The following GNA13 variants were observed in gnomAD, a reference collection of about 807,000 sequenced individuals.
GNA13 encodes the protein guanine nucleotide-binding protein subunit alpha-13.
Under a neutral mutation model 33.5 loss-of-function variants are expected in GNA13, and 4 were observed. That is an observed-to-expected ratio of 0.12 (90% CI 0.06 to 0.27). The LOEUF (loss-of-function observed/expected upper bound fraction) is 0.27. Among genes scored for constraint, GNA13 ranks in the 10% least tolerant of loss-of-function variants. GNA13 has a pLI of 1.00. For missense variants in GNA13, 319 were observed against 487.2 expected (o/e 0.65, Z 3.25); for synonymous variants, 176 against 183.8 (o/e 0.96, Z 0.34).
At chr17:65,031,382 C>T in intron 2 of GNA13, among the ~76,000 whole-genome samples, 1 of 152,248 alleles carries the variant, frequency 6.6e-6, no homozygotes, top group East Asian at 1.9e-4. Flanking sequence ...AAACATCTTC[C>T]TGGCACACGA....
At chr17:65,041,247 A>G (rs1413243140) in intron 2 of GNA13, among the ~76,000 whole-genome samples, 4 of 152,196 alleles carry the variant, frequency 2.6e-5, no homozygotes, top group South Asian at 2.1e-4. Context: ...GAAATGGCCT[A>G]TTTACAAGCT....
At chr17:65,039,212 T>C (rs958096869) in intron 2 of GNA13, among the ~76,000 whole-genome samples, 3 of 152,224 alleles carry the variant, frequency 2.0e-5, no homozygotes, top group African/African-American at 7.2e-5. Context: ...CTACAAAGTA[T>C]ATCCTGAATC....
At chr17:65,020,791 C>T (rs1325996764) in intron 2 of GNA13, among the ~76,000 whole-genome samples, 1 of 152,010 alleles carries the variant, frequency 6.6e-6, no homozygotes, top group African/African-American at 2.4e-5. Context: ...GCTGGGATTA[C>T]AGGTGTGTGC....
chr17:65,034,548 T>C (rs973575937), intron 2 of GNA13, among the ~76,000 whole-genome samples: 7 of 152,120 alleles, frequency 4.6e-5, no homozygotes, highest in African/African-American at 1.7e-4. Context: ...TCCACCTGCC[T>C]CGGCCTCCCA....
At chr17:65,032,183 A>C (rs1328523042) in intron 2 of GNA13, among the ~76,000 whole-genome samples, 1 of 152,178 alleles carries the variant, frequency 6.6e-6, no homozygotes, top group Non-Finnish European at 1.5e-5. Context: ...CAAAATGGAA[A>C]ACTCTGGGGT....
At position 65,014,993 on chromosome 17, in the gene GNA13, A is replaced by G. The variant is rs1358447757; in HGVS notation, c.562-164T>C. Among the ~76,000 whole-genome samples, 1 of 152,236 alleles carries G rather than the reference A, an allele frequency of 6.6e-6. No homozygotes were observed. Among genetic ancestry groups the G allele is most frequent in the Non-Finnish European group, 1.5e-5 (1 of 68,040 alleles). ...TATAAAATGCCAAGACTGGTCAGAC[A>G]TGGTGGGTCATGCCTATAATCCCAG... On this transcript the variant is annotated intron_variant, in intron 3 of 3. Transcript: ENST00000439174. This position sits in a 1 kb window ranked among gnomAD's most constrained non-coding sequence, Gnocchi z 5.3.
At chr17:65,040,751 A>G (rs1486147738) in intron 2 of GNA13, among the ~76,000 whole-genome samples, 1 of 152,178 alleles carries the variant, frequency 6.6e-6, no homozygotes, top group Non-Finnish European at 1.5e-5. Context: ...TTGGACTCCC[A>G]AAGTGCTGGG....
intron 2 of GNA13, among the ~76,000 whole-genome samples, chr17:65,035,746 T>C (rs972621839): frequency 2.0e-5 from 3 of 152,218 alleles, no homozygotes; most frequent in Non-Finnish European, 4.4e-5. Flanking sequence ...TCAAGAAATA[T>C]TTAGCTTTGT....
chr17:65,045,656 G>T (rs2143821099), intron 2 of GNA13, among the ~76,000 whole-genome samples: 1 of 152,134 alleles, frequency 6.6e-6, no homozygotes, highest in East Asian at 1.9e-4. Context: ...ACCATTCACA[G>T]TTAGTAAATT....
rs182987495 is a variant in GNA13 at position 65,030,673 on chromosome 17, A to C, written c.511-12370T>G. Among the ~76,000 whole-genome samples, 41 of 152,322 alleles carry C rather than the reference A, an allele frequency of 2.7e-4. 1 individual carries two copies. Among genetic ancestry groups the C allele is most frequent in the Non-Finnish European group, 8.8e-5 (6 of 68,022 alleles). ...CGTAAATGGCAGAAATTTCACTTTG[A>C]AAAAAACAAGCCAACTATAAAGGAC... On this transcript the variant is annotated intron_variant, in intron 2 of 3. Transcript: ENST00000439174.
intron 2 of GNA13, among the ~76,000 whole-genome samples, chr17:65,034,038 A>AAAAAAAAAAAAAAAAAAAAC: frequency 6.8e-6 from 1 of 147,220 alleles, no homozygotes; most frequent in Non-Finnish European, 1.5e-5. Context: ...AAAAAAAAAA[A>AAAAAAAAAAAAAAAAAAAAC]TCCAAAAGAA....
In GNA13 at chr17:65,010,419, C is replaced by A. The variant is rs550438684; in HGVS notation, c.*3838G>T. Among the ~76,000 whole-genome samples the A allele has an allele frequency of 6.6e-6, 1 of 151,930 alleles. No individual in the cohort carries two copies. The highest frequency in any genetic ancestry group is 2.4e-5 in the African/African-American group (1 of 41,360). ...GGGCATGTGCTGTATTTGGGACATG[C>A]GGACACACCCACACCCACCCACAAT... On this transcript the variant is annotated 3_prime_UTR_variant, in exon 4 of 4. Coordinates refer to ENST00000439174, the MANE Select transcript of GNA13 (RefSeq NM_006572.6).
chr17:65,053,490 C>CA lies in GNA13; in HGVS notation c.510+11dup. 1 of 1,507,458 alleles carries CA rather than the reference C, an allele frequency of 6.6e-7. No homozygotes were observed. Among genetic ancestry groups the CA allele is most frequent in the South Asian group, 1.1e-5 (1 of 88,774 alleles). 93.4% of individuals were successfully genotyped at this position (1,507,458 alleles called of 1,614,324 possible). On this transcript the variant is annotated intron_variant, in intron 2 of 3. Coordinates refer to ENST00000439174, the MANE Select transcript of GNA13 (RefSeq NM_006572.6). ...AATAAAACCACACGTTTTAAAAGAGCAAATCTCTTACCAGTTGAAATTCTC... is the reference window on the plus strand; with the variant it reads ...AATAAAACCACACGTTTTAAAAGAGCAAAATCTCTTACCAGTTGAAATTCTC...
rs570891095 is a variant in GNA13 at position 65,014,110 on chromosome 17, C to A, written c.*147G>T. On this transcript the variant is annotated 3_prime_UTR_variant, in exon 4 of 4. Transcript: ENST00000439174. This position sits in a 1 kb window ranked among gnomAD's most constrained non-coding sequence, Gnocchi z 5.3. ...CAGCTTTCAGCCACAAACCAAAGGCCGCAGAAAAAGTACTAAGATTTTCAA... is the reference window on the plus strand; with the variant it reads ...CAGCTTTCAGCCACAAACCAAAGGCAGCAGAAAAAGTACTAAGATTTTCAA... 10 of 602,090 alleles carry A rather than the reference C, an allele frequency of 1.7e-5. No homozygotes were observed. The highest frequency in any genetic ancestry group is 1.2e-4 in the Admixed American group (4 of 33,144). 37.3% of individuals were successfully genotyped at this position (602,090 alleles called of 1,614,324 possible). A position where few individuals can be genotyped will look rare whatever the true frequency, so the allele number is the denominator to read the frequency against.
chr17:65,054,501 G>T (rs1000972773), intron 1 of GNA13, among the ~76,000 whole-genome samples: 7 of 152,102 alleles, frequency 4.6e-5, no homozygotes, highest in Non-Finnish European at 8.8e-5. Context: ...TAATAGAGAC[G>T]AGGTCTGGCT....
chr17:65,020,487 T>C (rs184045551), intron 2 of GNA13, among the ~76,000 whole-genome samples: 15 of 152,314 alleles, frequency 9.8e-5, no homozygotes, highest in Non-Finnish European at 2.2e-4. Flanking sequence ...ATCCTAAATC[T>C]GCTTTTGTTG....
chr17:65,022,296 C>G (rs1906609465), intron 2 of GNA13, among the ~76,000 whole-genome samples: 1 of 151,928 alleles, frequency 6.6e-6, no homozygotes, highest in Non-Finnish European at 1.5e-5. Flanking sequence ...CAGTGTGTTG[C>G]ACTCTCATGA....
intron 2 of GNA13, among the ~76,000 whole-genome samples, chr17:65,025,290 TAAAC>T (rs550754106): frequency 3.1e-3 from 476 of 152,326 alleles, no homozygotes; most frequent in African/African-American, 0.011. Context: ...ATCTGAATCA[TAAAC>T]AATAAAATTA....
intron 2 of GNA13, among the ~76,000 whole-genome samples, chr17:65,041,035 T>TA (rs1907432414): frequency 6.6e-6 from 1 of 152,178 alleles, no homozygotes; most frequent in Non-Finnish European, 1.5e-5. Context: ...GATGCTTAAA[T>TA]AAAAATCACA....
Sources: gnomAD v4.1 joint callset for allele counts (sites outside exome capture counted in the v4.1 genomes callset) on GRCh38, gnomAD v4.1.1 for gene constraint, Gnocchi (gnomAD v3.1) non-coding constraint, MANE v1.5 for transcripts, NCBI Gene and HGNC (gene_info 2026-07-23, HGNC 2026-07-21) for gene names.